Variants in ZNF169 observed in about 807,000 individuals in gnomAD.
ZNF169 encodes the protein zinc finger protein 169.
In ZNF169, 11 loss-of-function variants were observed where a neutral mutation model predicts 12.0. That is an observed-to-expected ratio of 0.92 (90% CI 0.58 to 1.52). ZNF169 has a LOEUF of 1.52. Among genes scored for constraint, ZNF169 ranks in the 40% most tolerant of loss-of-function variants. ZNF169 has a pLI of 0.00. For synonymous variants in ZNF169, 302 were observed against 286.5 expected (o/e 1.05, Z -0.55); for missense variants, 722 against 744.0 (o/e 0.97, Z 0.34).
intron 2 of ZNF169, among the ~76,000 whole-genome samples, chr9:94,286,269 C>T (rs1039196778): frequency 6.6e-6 from 1 of 152,196 alleles, no homozygotes; most frequent in African/African-American, 2.4e-5. Flanking sequence ...AATTTTGTGT[C>T]TGGTTTCCTC....
In ZNF169 at chr9:94,299,741, A is replaced by G. The variant is rs200614359; in HGVS notation, c.257-74A>G. On this transcript the variant is annotated intron_variant, in intron 4 of 4. Transcript: ENST00000395395. ...GATAAGTCTTTGTTGTGAACATCTG[A>G]AGAAAACTGCTGGGCAGGTATTACA... The G allele has an allele frequency of 1.1e-5, 17 of 1,529,092 alleles. No homozygotes were observed. In the East Asian group the frequency reaches 3.2e-4, roughly 28 times the overall value. The allele number at this position is 1,529,092 out of a possible 1,614,324, so 94.7% of individuals were successfully genotyped here.
intron 1 of ZNF169, among the ~76,000 whole-genome samples, 169 bp downstream of exon 1, chr9:94,259,514 A>G: frequency 6.6e-6 from 1 of 152,000 alleles, no homozygotes; most frequent in East Asian, 1.9e-4. Flanking sequence ...TGCGTGGTCC[A>G]CCCCGGAGAG....
Position 94,301,340 on chromosome 9 carries a change from T to C in ZNF169, c.1782T>C (p.Gly594=), listed in dbSNP as rs751241961. ...ATAGACACAGGAGGACCAAGTCTGG[T>C]CATCAGCTCCTACCCCAAGAGGTCT... is the stretch of plus-strand genomic sequence containing the variant. ...HLHRHRRTKS[G]HQLLPQEVF Residue 594 remains glycine (G), a synonymous_variant, in exon 5 of 5, where the codon GGT becomes GGC. Transcript: ENST00000395395. 6.2e-7 allele frequency: 1 copy of C among 1,613,512 alleles called. No homozygotes were observed. Among genetic ancestry groups the C allele is most frequent in the Non-Finnish European group, 8.5e-7 (1 of 1,179,664 alleles).
chr9:94,279,654 A>G (rs1424579732), intron 2 of ZNF169, among the ~76,000 whole-genome samples: 1 of 151,226 alleles, frequency 6.6e-6, no homozygotes, highest in African/African-American at 2.4e-5. Flanking sequence ...AAAAAAAAGG[A>G]AAGAAAATGG....
chr9:94,266,085 CAAAAAAAAAAAA>C (rs34161642), intron 1 of ZNF169, among the ~76,000 whole-genome samples: 1 of 134,120 alleles, frequency 7.5e-6, no homozygotes, highest in African/African-American at 2.9e-5. Context: ...GACTTTGTCT[CAAAAAAAAAAAA>C]AAAAAAAATT....
At chr9:94,295,974 G>T (rs1830941567) in intron 4 of ZNF169, 1 of 152,186 alleles carries the variant, frequency 6.6e-6, no homozygotes, top group African/African-American at 2.4e-5. Context: ...GCTTTCCAAA[G>T]TGGCCGCACC....
intron 2 of ZNF169, among the ~76,000 whole-genome samples, chr9:94,289,843 G>A (rs1830797117): frequency 6.6e-6 from 1 of 151,136 alleles, no homozygotes; most frequent in African/African-American, 2.4e-5. Flanking sequence ...GGCAAATCAA[G>A]ACAGAATTAT....
intron 2 of ZNF169, 116 bp downstream of exon 2, chr9:94,278,961 C>A: frequency 1.0e-6 from 1 of 991,140 alleles, no homozygotes; most frequent in Non-Finnish European, 1.5e-6. Context: ...AGGCGTGACT[C>A]ATCTTATCTG....
intron 2 of ZNF169, among the ~76,000 whole-genome samples, chr9:94,280,658 AG>A (rs1830613037): frequency 2.0e-5 from 3 of 152,202 alleles, no homozygotes; most frequent in Admixed American, 1.3e-4. Context: ...CACCTGGGCA[AG>A]GGAGGGGAAG....
At chr9:94,293,808 T>A (rs1830896629) in intron 4 of ZNF169, 1 of 152,442 alleles carries the variant, frequency 6.6e-6, no homozygotes. Flanking sequence ...CATAGATTAT[T>A]TAAGATTACA....
intron 1 of ZNF169, among the ~76,000 whole-genome samples, chr9:94,272,675 T>C (rs1830444248): frequency 6.6e-6 from 1 of 152,174 alleles, no homozygotes; most frequent in Admixed American, 6.5e-5. Flanking sequence ...ATTTTCTTTA[T>C]CCGTTCATAC....
chr9:94,272,212 T>G (rs2118570243), intron 1 of ZNF169, among the ~76,000 whole-genome samples: 1 of 152,216 alleles, frequency 6.6e-6, no homozygotes, highest in South Asian at 2.1e-4. Flanking sequence ...AATTTTAATT[T>G]AATCATTTTT....
At chr9:94,270,808 T>A (rs1185331908) in intron 1 of ZNF169, among the ~76,000 whole-genome samples, 4 of 27,348 alleles carry the variant, frequency 1.5e-4, no homozygotes, top group Non-Finnish European at 6.5e-5. Flanking sequence ...ATATATATAT[T>A]ATATTATATA....
intron 2 of ZNF169, among the ~76,000 whole-genome samples, chr9:94,283,358 A>C (rs111259501): frequency 0.026 from 3,901 of 152,278 alleles, 189 homozygotes; most frequent in African/African-American, 0.087. Flanking sequence ...CAATGAGCTG[A>C]GATCACGCCA....
At chr9:94,284,300 C>G (rs918283941) in intron 2 of ZNF169, among the ~76,000 whole-genome samples, 9 of 151,932 alleles carry the variant, frequency 5.9e-5, no homozygotes, top group Admixed American at 5.9e-4. Context: ...TGGCACGTGC[C>G]TGTAATCCCA....
intron 4 of ZNF169, among the ~76,000 whole-genome samples, chr9:94,299,295 G>A (rs9409511): frequency 0.37 from 55,975 of 152,152 alleles, 12,240 homozygotes; most frequent in East Asian, 0.56. Context: ...CCACACAGGA[G>A]CCAGTATCTC....
intron 1 of ZNF169, among the ~76,000 whole-genome samples, chr9:94,265,021 GTT>G (rs55756013): frequency 4.4e-5 from 4 of 90,684 alleles, no homozygotes; most frequent in African/African-American, 1.8e-4. Flanking sequence ...TCTGTACCCT[GTT>G]TTTTTTTTTT....
At chr9:94,299,227 A>G (rs188675467) in intron 4 of ZNF169, among the ~76,000 whole-genome samples, 40 of 152,348 alleles carry the variant, frequency 2.6e-4, no homozygotes, top group African/African-American at 8.9e-4. Flanking sequence ...GTGTCCATAC[A>G]GTTCAGGAGA....
intron 1 of ZNF169, among the ~76,000 whole-genome samples, chr9:94,273,582 T>TC (rs1224990945): frequency 6.2e-5 from 9 of 144,402 alleles, no homozygotes; most frequent in Non-Finnish European, 1.5e-5. Context: ...TTTCTTTCTT[T>TC]TTTTTTTTTT....
Sources: gnomAD v4.1 joint callset for allele counts (sites outside exome capture counted in the v4.1 genomes callset) on GRCh38, gnomAD v4.1.1 for gene constraint, MANE v1.5 for transcripts, NCBI Gene and HGNC (gene_info 2026-07-23, HGNC 2026-07-21) for gene names.